The following SLC10A7 variants were observed in gnomAD, a reference collection of about 807,000 sequenced individuals.
SLC10A7 encodes solute carrier family 10 member 7, also known as sodium/bile acid cotransporter 7.
In SLC10A7, 29 loss-of-function variants were observed where a neutral mutation model predicts 43.2. The ratio of observed to expected loss-of-function variants is 0.67; its 90% confidence interval spans 0.50 to 0.92. The LOEUF (loss-of-function observed/expected upper bound fraction) is 0.92, where lower values mean the gene tolerates loss of function less well. Ranked by LOEUF, SLC10A7 falls within the 40% of genes least tolerant of loss-of-function variation. SLC10A7 has a pLI of 0.00. For missense variants in SLC10A7, 295 were observed against 403.2 expected (o/e 0.73, Z 2.30); for synonymous variants, 152 against 144.8 (o/e 1.05, Z -0.35).
intron 4 of SLC10A7, among the ~76,000 whole-genome samples, chr4:146,454,617 T>G (rs1488125775): frequency 2.6e-5 from 4 of 151,926 alleles, no homozygotes; most frequent in Admixed American, 2.6e-4. Context: ...ATTTTTTCCT[T>G]TGTGCTTCTC....
In SLC10A7 at chr4:146,361,083, T is replaced by C. The variant is rs117266578; in HGVS notation, c.436-35087A>G. ...CTAGAATGGATTAAAGTCTTTAACA[T>C]ATACTCCCATAGTTCCCTATCTTCT... On this transcript the variant is annotated intron_variant, in intron 5 of 11. Transcript: ENST00000335472. Among the ~76,000 whole-genome samples, 54 of 152,242 alleles carry C rather than the reference T, an allele frequency of 3.5e-4. 2 individuals carry two copies. The East Asian group carries it at 4.8e-3, about 14-fold the overall frequency.
At chr4:146,308,791 T>C (rs975037468) in intron 6 of SLC10A7, among the ~76,000 whole-genome samples, 1 of 152,166 alleles carries the variant, frequency 6.6e-6, no homozygotes, top group East Asian at 1.9e-4. Context: ...TGCAGAAATA[T>C]GTAGTACTTT....
At chr4:146,355,638 G>A (rs1012918722) in intron 5 of SLC10A7, among the ~76,000 whole-genome samples, 2 of 151,916 alleles carry the variant, frequency 1.3e-5, no homozygotes, top group Admixed American at 1.3e-4. Context: ...TGGAACCAAC[G>A]CAAATGTCTA....
intron 5 of SLC10A7, among the ~76,000 whole-genome samples, chr4:146,410,572 A>G (rs1409770443): frequency 6.6e-6 from 1 of 152,148 alleles, no homozygotes; most frequent in Non-Finnish European, 1.5e-5. Flanking sequence ...ACATTTAGAG[A>G]AATTTGGATC....
chr4:146,398,754 A>C (rs950707496), intron 5 of SLC10A7, among the ~76,000 whole-genome samples: 11 of 152,256 alleles, frequency 7.2e-5, no homozygotes, highest in Non-Finnish European at 1.2e-4. Flanking sequence ...AAAATAGCCA[A>C]AGTGGGAAAA....
chr4:146,442,652 G>T, intron 5 of SLC10A7, 131 bp downstream of exon 5: 1 of 1,502,678 alleles, frequency 6.7e-7, no homozygotes, highest in East Asian at 2.5e-5. Context: ...TATGGATACT[G>T]GCACATGAAA....
chr4:146,506,386 G>A (rs1389222704), intron 3 of SLC10A7, among the ~76,000 whole-genome samples: 1 of 152,190 alleles, frequency 6.6e-6, no homozygotes, highest in Non-Finnish European at 1.5e-5. Flanking sequence ...AAGAGTCAAT[G>A]CAGAAATATA....
chr4:146,276,945 C>T (rs901803767), intron 10 of SLC10A7, among the ~76,000 whole-genome samples: 2 of 150,456 alleles, frequency 1.3e-5, no homozygotes, highest in Non-Finnish European at 3.0e-5. Flanking sequence ...GAGTGAGACT[C>T]CATCTAAAAA....
intron 5 of SLC10A7, among the ~76,000 whole-genome samples, chr4:146,384,256 G>C (rs747518643): frequency 1.3e-5 from 2 of 151,974 alleles, no homozygotes; most frequent in Non-Finnish European, 2.9e-5. Context: ...CTCTTAAAAA[G>C]TAATAATGCC....
chr4:146,434,248 T>C (rs1730029439), intron 5 of SLC10A7, among the ~76,000 whole-genome samples: 1 of 152,218 alleles, frequency 6.6e-6, no homozygotes, highest in South Asian at 2.1e-4. Flanking sequence ...TCGTTATAGC[T>C]AGGTGATTCT....
chr4:146,385,031 T>C lies in SLC10A7; in HGVS notation c.435+57752A>G, dbSNP rs1022956027. On this transcript the variant is annotated intron_variant, in intron 5 of 11. Transcript: ENST00000335472. ...CCTTCAGAGTATTTAACAATCAATA[T>C]GGCAAACAATTAAGCCACCTTTCTT... 2.0e-5 allele frequency among the ~76,000 whole-genome samples: 3 copies of C among 152,130 alleles called. 1 individual carries two copies. Among genetic ancestry groups the C allele is most frequent in the Non-Finnish European group, 2.9e-5 (2 of 67,986 alleles).
At chr4:146,279,193 A>G (rs1189734398) in intron 10 of SLC10A7, among the ~76,000 whole-genome samples, 1 of 152,194 alleles carries the variant, frequency 6.6e-6, no homozygotes, top group East Asian at 1.9e-4. Context: ...ATGTGCTTTC[A>G]GTTTGCTATT....
chr4:146,476,265 C>A (rs535086172), intron 4 of SLC10A7, among the ~76,000 whole-genome samples: 7 of 152,238 alleles, frequency 4.6e-5, no homozygotes, highest in African/African-American at 1.7e-4. Context: ...TTAAACACTT[C>A]TCTGTAGAGT....
intron 9 of SLC10A7, among the ~76,000 whole-genome samples, chr4:146,284,268 C>T (rs1168032938): frequency 2.0e-5 from 3 of 152,162 alleles, no homozygotes; most frequent in Non-Finnish European, 2.9e-5. Context: ...TCCATCTATA[C>T]AGTTGCAGAT....
chr4:146,445,034 C>A (rs1253878101), intron 4 of SLC10A7, among the ~76,000 whole-genome samples: 1 of 151,976 alleles, frequency 6.6e-6, no homozygotes, highest in South Asian at 2.1e-4. Context: ...GAGGAATTCC[C>A]AGCTCCTTGG....
chr4:146,282,639 C>T (rs970806578), intron 10 of SLC10A7, among the ~76,000 whole-genome samples: 5 of 152,050 alleles, frequency 3.3e-5, no homozygotes, highest in African/African-American at 1.2e-4. Context: ...CTTCTTAATC[C>T]ATTTTTGTCC....
chr4:146,400,424 G>A (rs1381365580), intron 5 of SLC10A7, among the ~76,000 whole-genome samples: 1 of 152,134 alleles, frequency 6.6e-6, no homozygotes, highest in East Asian at 1.9e-4. Context: ...TACTCGGGCG[G>A]TGTTATAAGA....
chr4:146,505,061 G>A (rs1193444968), intron 3 of SLC10A7, among the ~76,000 whole-genome samples: 2 of 152,120 alleles, frequency 1.3e-5, no homozygotes, highest in African/African-American at 2.4e-5. Context: ...AGTTCATACA[G>A]GGCATAGATG....
intron 5 of SLC10A7, among the ~76,000 whole-genome samples, chr4:146,356,831 A>T (rs1279645491): frequency 6.6e-6 from 1 of 152,226 alleles, no homozygotes; most frequent in African/African-American, 2.4e-5. Context: ...ACAAATGGCT[A>T]GAAGTTGTGG....
Sources: allele counts gnomAD v4.1 joint callset (sites outside exome capture counted in the v4.1 genomes callset), GRCh38; gene constraint gnomAD v4.1.1; transcripts MANE v1.5; gene names NCBI Gene and HGNC (gene_info 2026-07-23, HGNC 2026-07-21).